The following CAMK1D variants were observed in gnomAD, a reference collection of about 807,000 sequenced individuals.
The protein encoded by CAMK1D is calcium/calmodulin dependent protein kinase ID.
CAMK1D carries 9 observed loss-of-function variants against 47.7 expected under a neutral mutation model. The ratio of observed to expected loss-of-function variants is 0.19; its 90% confidence interval spans 0.11 to 0.33. The LOEUF (loss-of-function observed/expected upper bound fraction) is 0.33. CAMK1D is among the 10% of genes least tolerant of loss of function. The pLI, the probability that CAMK1D is intolerant of heterozygous loss-of-function variation, is 1.00. For synonymous variants in CAMK1D, 184 were observed against 184.9 expected, an observed-to-expected ratio of 0.99 and a Z score of 0.04; for missense variants, 291 against 488.7, an observed-to-expected ratio of 0.60 and a Z score of 3.81.
chr10:12,528,991 T>G (rs558320333), intron 1 of CAMK1D, among the ~76,000 whole-genome samples: 15 of 152,072 alleles, frequency 9.9e-5, no homozygotes, highest in African/African-American at 3.6e-4. Flanking sequence ...TGTCTCACCT[T>G]GTTGCCCAGG....
intron 5 of CAMK1D, among the ~76,000 whole-genome samples, chr10:12,786,005 T>C (rs995865098): frequency 3.3e-5 from 5 of 152,064 alleles, no homozygotes; most frequent in African/African-American, 1.2e-4. Flanking sequence ...GTTTTGAAAA[T>C]TGCCTGAGAA....
At chr10:12,588,169 C>A (rs1034919952) in intron 2 of CAMK1D, among the ~76,000 whole-genome samples, 1 of 151,974 alleles carries the variant, frequency 6.6e-6, no homozygotes. Flanking sequence ...GCTCTTTGTC[C>A]CTTTGTCCCA....
intron 2 of CAMK1D, among the ~76,000 whole-genome samples, chr10:12,571,423 C>T (rs1426967262): frequency 8.2e-6 from 1 of 122,524 alleles, no homozygotes; most frequent in African/African-American, 3.2e-5. Context: ...CACTGCACTG[C>T]AGTCTGGGTG....
intron 2 of CAMK1D, among the ~76,000 whole-genome samples, chr10:12,617,823 C>G (rs1476005976): frequency 6.6e-6 from 1 of 152,150 alleles, no homozygotes; most frequent in Admixed American, 6.5e-5. Flanking sequence ...ATGCTGGTTT[C>G]CACTGGTGAG....
intron 3 of CAMK1D, among the ~76,000 whole-genome samples, chr10:12,750,420 C>A (rs1478008376): frequency 6.6e-6 from 1 of 152,126 alleles, no homozygotes; most frequent in African/African-American, 2.4e-5. Flanking sequence ...TTAGATGTAA[C>A]CTTCGATTGC....
At chr10:12,756,914 C>T (rs1836256737) in intron 3 of CAMK1D, among the ~76,000 whole-genome samples, 2 of 152,206 alleles carry the variant, frequency 1.3e-5, no homozygotes, top group African/African-American at 4.8e-5. Context: ...CAGAGTGAGA[C>T]TCCGTCTCAA....
chr10:12,381,705 G>A (rs1019009135), intron 1 of CAMK1D, among the ~76,000 whole-genome samples: 2 of 152,138 alleles, frequency 1.3e-5, no homozygotes, highest in African/African-American at 4.8e-5. Flanking sequence ...CGGTTGTGGC[G>A]TGGCATACAG....
At chr10:12,711,769 C>G (rs1374919998) in intron 3 of CAMK1D, among the ~76,000 whole-genome samples, 1 of 152,136 alleles carries the variant, frequency 6.6e-6, no homozygotes, top group South Asian at 2.1e-4. Context: ...CTGTCTACAC[C>G]CTGTTTTTAC....
At chr10:12,354,705 C>T (rs962496903) in intron 1 of CAMK1D, among the ~76,000 whole-genome samples, 3 of 151,892 alleles carry the variant, frequency 2.0e-5, no homozygotes, top group African/African-American at 7.3e-5. Flanking sequence ...CCGCCGCGCC[C>T]AGCCGATGAG....
intron 3 of CAMK1D, among the ~76,000 whole-genome samples, chr10:12,713,438 C>A (rs1834009090): frequency 6.6e-6 from 1 of 152,114 alleles, no homozygotes; most frequent in Admixed American, 6.5e-5. Flanking sequence ...TCCAGGGGTG[C>A]CCATTGCTAA....
chr10:12,356,269 G>A (rs1171122441), intron 1 of CAMK1D, among the ~76,000 whole-genome samples: 8 of 152,208 alleles, frequency 5.3e-5, no homozygotes, highest in South Asian at 2.1e-4. Context: ...ACTGGATGTG[G>A]GGTGTGAGAT....
chr10:12,449,548 G>A (rs1833020448), intron 1 of CAMK1D, among the ~76,000 whole-genome samples: 2 of 148,616 alleles, frequency 1.3e-5, no homozygotes, highest in Admixed American at 1.3e-4. Flanking sequence ...GCTTGATCAT[G>A]GTGATCATTT....
At chr10:12,816,667 G>A (rs546095111) in intron 8 of CAMK1D, among the ~76,000 whole-genome samples, 2 of 151,864 alleles carry the variant, frequency 1.3e-5, no homozygotes, top group South Asian at 2.1e-4. Flanking sequence ...TCAGGTGTTC[G>A]AGACCAGCCT....
At chr10:12,477,475 G>A (rs756651745) in intron 1 of CAMK1D, among the ~76,000 whole-genome samples, 15 of 152,202 alleles carry the variant, frequency 9.9e-5, no homozygotes, top group Non-Finnish European at 2.2e-4. Context: ...GATGACTGGG[G>A]AAGACGAAAG....
intron 3 of CAMK1D, among the ~76,000 whole-genome samples, chr10:12,698,409 T>G (rs1833379986): frequency 6.6e-6 from 1 of 152,124 alleles, no homozygotes; most frequent in African/African-American, 2.4e-5. Context: ...ACATAACCTG[T>G]TTTATGTGTG....
intron 2 of CAMK1D, among the ~76,000 whole-genome samples, chr10:12,638,083 G>A (rs1839562147): frequency 6.6e-6 from 1 of 152,152 alleles, no homozygotes; most frequent in South Asian, 2.1e-4. Context: ...CCTCAGAGAA[G>A]GGGAGGCCAT....
intron 2 of CAMK1D, among the ~76,000 whole-genome samples, chr10:12,595,454 T>C (rs1355365267): frequency 6.6e-6 from 1 of 151,384 alleles, no homozygotes; most frequent in Non-Finnish European, 1.5e-5. Flanking sequence ...GCTGCTGGCT[T>C]GTGGAATACA....
At chr10:12,774,859 T>TTCATCCTG (rs1370746683) in intron 5 of CAMK1D, among the ~76,000 whole-genome samples, 62 of 152,372 alleles carry the variant, frequency 4.1e-4, no homozygotes, top group Admixed American at 3.5e-3. Context: ...GTGGAACAGT[T>TTCATCCTG]TCATCCTGAA....
chr10:12,561,504 T>C (rs1207657871), intron 2 of CAMK1D, among the ~76,000 whole-genome samples: 15 of 152,262 alleles, frequency 9.9e-5, no homozygotes, highest in Admixed American at 3.9e-4. Flanking sequence ...TTTAGTGTCC[T>C]TCCTCCTTTT....
Sources: allele counts gnomAD v4.1 joint callset (sites outside exome capture counted in the v4.1 genomes callset), GRCh38; gene constraint gnomAD v4.1.1; transcripts MANE v1.5; gene names NCBI Gene and HGNC (gene_info 2026-07-23, HGNC 2026-07-21).